Variants in EPHX1 observed in about 807,000 individuals in gnomAD.
EPHX1 encodes the protein epoxide hydratase.
A neutral mutation model predicts 43.2 loss-of-function variants in EPHX1; 40 were observed. The observed-to-expected ratio is 0.93, with a 90% CI of 0.72 to 1.21. EPHX1 has a LOEUF of 1.21. Among genes scored for constraint, EPHX1 ranks in the 50% most tolerant of loss-of-function variants. EPHX1 has a pLI of 0.00. For missense variants in EPHX1, 550 were observed against 570.4 expected, an observed-to-expected ratio of 0.96 and a Z score of 0.36; for synonymous variants, 221 against 226.7, an observed-to-expected ratio of 0.98 and a Z score of 0.22.
At chr1:225,822,712 G>A (rs548636095) in intron 1 of EPHX1, among the ~76,000 whole-genome samples, 138 of 152,242 alleles carry the variant, frequency 9.1e-4, no homozygotes, top group African/African-American at 3.2e-3. Flanking sequence ...CACCTTCTCC[G>A]AACAGATGGA....
rs1411071634 is a variant in EPHX1 at position 225,839,218 on chromosome 1, G to A, written c.594G>A (p.Gly198=). 3.1e-6 allele frequency: 5 copies of A among 1,614,062 alleles called. No individual in the cohort carries two copies. In the South Asian group the frequency reaches 4.4e-5, roughly 14 times the overall value. The change falls in exon 5 of 9, where the codon GGG becomes GGA. Residue 198 remains glycine (G), a splice_region_variant and synonymous_variant. Coordinates refer to ENST00000272167, the MANE Select transcript of EPHX1 (RefSeq NM_001136018.4). ...CATGCCTTTCCCCATCACTGCCAGG[G>A]TTCAACTCGGTGGCCACCGCCAGGA... ...YGFSEASSKK[G]FNSVATARIF... is the part of the protein sequence containing the mutation.
chr1:225,811,300 T>C (rs1200508744), intron 1 of EPHX1, among the ~76,000 whole-genome samples: 1 of 152,168 alleles, frequency 6.6e-6, no homozygotes, highest in African/African-American at 2.4e-5. Context: ...ATCCTAATTT[T>C]GACTTTTTTT....
chr1:225,825,638 A>C (rs560492779), intron 1 of EPHX1: 135 of 152,344 alleles, frequency 8.9e-4, no homozygotes, highest in African/African-American at 3.2e-3. Flanking sequence ...ACATCATGCA[A>C]AATGTGTCTT....
chr1:225,836,042 T>C (rs1407350337), intron 3 of EPHX1, among the ~76,000 whole-genome samples: 1 of 152,132 alleles, frequency 6.6e-6, no homozygotes, highest in Non-Finnish European at 1.5e-5. Flanking sequence ...CCAGGATACA[T>C]TGTTAAGTTA....
chr1:225,845,278 G>T lies in EPHX1; in HGVS notation c.1299G>T (p.Ala433=), dbSNP rs45550332. ...ACATGGTTCGTGGGGGCCACTTTGC[G>T]GCCTTTGAGGAGCCGGAGCTGCTCG... The part of the protein sequence containing the change: ...YSYMVRGGHF[A]AFEEPELLAQ... Residue 433 remains alanine, a synonymous_variant, in exon 9 of 9, where the codon GCG becomes GCT. Transcript: ENST00000272167. The T allele has an allele frequency of 3.7e-6, 6 of 1,613,426 alleles. No individual in the cohort carries two copies. Among genetic ancestry groups the T allele is most frequent in the South Asian group, 2.2e-5 (2 of 91,050 alleles).
chr1:225,840,070 G>A (rs373021713), intron 6 of EPHX1, 33 bp downstream of exon 6: 20 of 1,608,030 alleles, frequency 1.2e-5, no homozygotes, highest in Admixed American at 1.0e-4. Flanking sequence ...GCCCACTGCC[G>A]GCTCCACTGG....
chr1:225,844,753 T>G, intron 8 of EPHX1, 130 bp downstream of exon 8: 1 of 1,429,108 alleles, frequency 7.0e-7, no homozygotes, highest in Non-Finnish European at 9.5e-7. Flanking sequence ...CCAGGGGCCC[T>G]TGGATGGGAA....
chr1:225,811,429 C>T (rs1666478598), intron 1 of EPHX1, among the ~76,000 whole-genome samples: 1 of 152,206 alleles, frequency 6.6e-6, no homozygotes, highest in Non-Finnish European at 1.5e-5. Flanking sequence ...TGTGAGGGCT[C>T]AGCTTGTGGC....
chr1:225,812,024 G>T (rs1666507005), intron 1 of EPHX1, among the ~76,000 whole-genome samples: 1 of 152,178 alleles, frequency 6.6e-6, no homozygotes, highest in Non-Finnish European at 1.5e-5. Flanking sequence ...CTCACTGAAG[G>T]GTGGCACTGG....
chr1:225,811,756 C>T (rs1323970064), intron 1 of EPHX1, among the ~76,000 whole-genome samples: 2 of 152,170 alleles, frequency 1.3e-5, no homozygotes, highest in Non-Finnish European at 2.9e-5. Flanking sequence ...TCTGCGAGTG[C>T]TCTCCAAGCA....
At position 225,828,830 on chromosome 1, in the gene EPHX1, G is replaced by A. The variant is rs765155309; in HGVS notation, c.101G>A (p.Trp34Ter). Reference sequence around the variant, plus strand: ...ACTTTGCCACTTGAAGATGGGTGGTGGGGGCCAGGCACGAGGTCCGCAGCC... The same window carrying A: ...ACTTTGCCACTTGAAGATGGGTGGTAGGGGCCAGGCACGAGGTCCGCAGCC... The part of the protein sequence containing the change: ...EETLPLEDGW[W>*]GPGTRSAARE... Residue 34 changes from tryptophan (W) to a stop codon, truncating the protein, a stop_gained, in exon 2 of 9, where the codon TGG (tryptophan) becomes TAG (stop). Coordinates refer to ENST00000272167, the MANE Select transcript of EPHX1 (RefSeq NM_001136018.4). LOFTEE classifies it high-confidence loss of function. The A allele has an allele frequency of 5.0e-6, 8 of 1,613,178 alleles. No homozygotes were observed. The East Asian group carries it at 1.6e-4, about 31-fold the overall frequency.
At position 225,828,931 on chromosome 1, in the gene EPHX1, G is replaced by A; in HGVS notation, c.183+19G>A. The A allele has an allele frequency of 6.4e-7, 1 of 1,556,092 alleles. No individual in the cohort carries two copies. Among genetic ancestry groups the A allele is most frequent in the Non-Finnish European group, 8.7e-7 (1 of 1,148,888 alleles). ...GATCCACGTAAGGCACCTTGGGCCG[G>A]GCCGGGCTGGGCAGTGGAGAGGGTG... On this transcript the variant is annotated intron_variant, in intron 2 of 8. Coordinates refer to ENST00000272167, the MANE Select transcript of EPHX1 (RefSeq NM_001136018.4).
At chr1:225,816,901 A>G (rs1666750919) in intron 1 of EPHX1, among the ~76,000 whole-genome samples, 4 of 152,200 alleles carry the variant, frequency 2.6e-5, no homozygotes. Flanking sequence ...AGACATGTAG[A>G]TAGCATGGAG....
chr1:225,824,259 G>C (rs1452586268), intron 1 of EPHX1, among the ~76,000 whole-genome samples: 1 of 152,040 alleles, frequency 6.6e-6, no homozygotes, highest in Non-Finnish European at 1.5e-5. Flanking sequence ...AGACGTCTGT[G>C]CCCTAGGAGT....
At chr1:225,825,898 C>T (rs1667209068) in intron 1 of EPHX1, among the ~76,000 whole-genome samples, 1 of 152,262 alleles carries the variant, frequency 6.6e-6, no homozygotes, top group Non-Finnish European at 1.5e-5. Flanking sequence ...TCCCTAACCC[C>T]TAGTCCTGCT....
intron 2 of EPHX1, among the ~76,000 whole-genome samples, chr1:225,830,039 C>T (rs1335550758): frequency 6.6e-6 from 1 of 152,186 alleles, no homozygotes; most frequent in East Asian, 1.9e-4. Flanking sequence ...GATCACACCA[C>T]TGCACTCTAG....
At position 225,843,588 on chromosome 1, in the gene EPHX1, G is replaced by T. The variant is rs141038470; in HGVS notation, c.1041-910G>T. Among the ~76,000 whole-genome samples, 46 of 152,330 alleles carry T rather than the reference G, an allele frequency of 3.0e-4. 1 individual carries two copies. The East Asian group carries it at 8.1e-3, about 27-fold the overall frequency. On this transcript the variant is annotated intron_variant, in intron 7 of 8. Coordinates refer to ENST00000272167, the MANE Select transcript of EPHX1 (RefSeq NM_001136018.4). ...TGCACACGGATACCTGGAGCAAGAT[G>T]TGAGGCCCCACCAGACTATCCCACT...
chr1:225,842,643 G>A (rs1668525531), intron 7 of EPHX1, among the ~76,000 whole-genome samples, 169 bp downstream of exon 7: 1 of 152,226 alleles, frequency 6.6e-6, no homozygotes, highest in African/African-American at 2.4e-5. Flanking sequence ...TTTTTTGGGT[G>A]AGGTGGCCTG....
chr1:225,815,307 G>A (rs71646749), intron 1 of EPHX1, among the ~76,000 whole-genome samples: 25,984 of 134,354 alleles, frequency 0.19, 6,387 homozygotes, highest in Middle Eastern at 0.37. Context: ...GTGCAGTGGC[G>A]CCATCTCAGC....
Sources: gnomAD v4.1 joint callset for allele counts (sites outside exome capture counted in the v4.1 genomes callset) on GRCh38, gnomAD v4.1.1 for gene constraint, MANE v1.5 for transcripts, NCBI Gene and HGNC (gene_info 2026-07-23, HGNC 2026-07-21) for gene names.